The following SUGCT variants were observed in gnomAD, a reference collection of about 807,000 sequenced individuals.
SUGCT encodes the protein succinyl-CoA:glutarate CoA-transferase.
In SUGCT, 41 loss-of-function variants were observed where a neutral mutation model predicts 55.0. The observed-to-expected ratio is 0.74, with a 90% CI of 0.58 to 0.97. The LOEUF is 0.97. Ranked by LOEUF, SUGCT falls within the 50% of genes least tolerant of loss-of-function variation. The probability of loss-of-function intolerance (pLI) is 0.00; values close to 1 mark genes in which losing one functional copy is unlikely to be tolerated. For missense variants in SUGCT, 568 were observed against 547.8 expected (o/e 1.04, Z -0.37); for synonymous variants, 187 against 200.4 (o/e 0.93, Z 0.56).
chr7:40,880,228 G>A, the SUGCT span, among the ~76,000 whole-genome samples: 1 of 152,204 alleles, frequency 6.6e-6, no homozygotes, highest in African/African-American at 2.4e-5. Context: ...GGAAACTGAT[G>A]TGATTAGATT....
chr7:40,474,183 G>A (rs1203920361), intron 11 of SUGCT, among the ~76,000 whole-genome samples: 1 of 152,164 alleles, frequency 6.6e-6, no homozygotes, highest in African/African-American at 2.4e-5. Flanking sequence ...GTTAATAGAA[G>A]ATTTGAGAAG....
At chr7:40,945,719 G>A in the SUGCT span, among the ~76,000 whole-genome samples, 8,292 of 152,172 alleles carry the variant, frequency 0.054, 771 homozygotes, top group African/African-American at 0.19. Flanking sequence ...GTTCCCATGG[G>A]GTGCTCCCTT....
chr7:40,553,850 C>T (rs577324127), intron 12 of SUGCT, among the ~76,000 whole-genome samples: 1 of 152,152 alleles, frequency 6.6e-6, no homozygotes, highest in Non-Finnish European at 1.5e-5. Context: ...GTGGGGCAGC[C>T]CTGCCCTGGG....
At chr7:40,241,900 C>T (rs1789420665) in intron 7 of SUGCT, among the ~76,000 whole-genome samples, 1 of 127,096 alleles carries the variant, frequency 7.9e-6, no homozygotes, top group Admixed American at 9.1e-5. Context: ...AGCCTGGCGA[C>T]AGACCAAGAC....
the SUGCT span, among the ~76,000 whole-genome samples, chr7:40,977,975 G>T: frequency 1.1e-4 from 17 of 152,232 alleles, no homozygotes; most frequent in Middle Eastern, 3.4e-3. Context: ...TTGGGGCTGC[G>T]ATTCAATTTT....
intron 9 of SUGCT, among the ~76,000 whole-genome samples, chr7:40,382,844 C>T (rs1177348550): frequency 6.6e-6 from 1 of 152,104 alleles, no homozygotes; most frequent in Non-Finnish European, 1.5e-5. Context: ...TATCCATTAT[C>T]TTTGGAAAGT....
intron 11 of SUGCT, among the ~76,000 whole-genome samples, chr7:40,483,115 G>T (rs1472291966): frequency 6.6e-6 from 1 of 152,100 alleles, no homozygotes; most frequent in African/African-American, 2.4e-5. Context: ...TAGAAATGCC[G>T]ACCAACAAAT....
Position 40,308,526 on chromosome 7 carries a change from T to C in SUGCT, c.721-8234T>C, listed in dbSNP as rs544814645. 1.6e-4 allele frequency among the ~76,000 whole-genome samples: 25 copies of C among 152,262 alleles called. No homozygotes were observed. The South Asian group carries it at 4.4e-3, about 27-fold the overall frequency. On this transcript the variant is annotated intron_variant, in intron 8 of 13. Coordinates refer to ENST00000335693, the MANE Select transcript of SUGCT (RefSeq NM_001193313.2). ...CCTTCCTATGACACTTAGAATAATA[T>C]CTCAGATCCTTACCCAGGCCTGCAA...
At chr7:40,538,460 C>T (rs1794490205) in intron 12 of SUGCT, 1 of 152,174 alleles carries the variant, frequency 6.6e-6, no homozygotes, top group African/African-American at 2.4e-5. Context: ...AAAATATCTC[C>T]TCCCCTCCTT....
At chr7:40,494,004 C>T (rs1791838908) in intron 11 of SUGCT, among the ~76,000 whole-genome samples, 1 of 152,164 alleles carries the variant, frequency 6.6e-6, no homozygotes, top group South Asian at 2.1e-4. Flanking sequence ...AACTGCAGCT[C>T]CCGCAGTCTC....
At position 40,408,928 on chromosome 7, in the gene SUGCT, C is replaced by T. The variant is rs186743140; in HGVS notation, c.817-40359C>T. Among the ~76,000 whole-genome samples the T allele has an allele frequency of 5.3e-4, 80 of 151,982 alleles. No homozygotes were observed. The East Asian group carries it at 0.014, about 27-fold the overall frequency. ...CCTACATGGTTTTGGCCTTTATTTTCTGTTCTCTCTCTCTCTGCTTTTTGT... is the reference window on the plus strand; with the variant it reads ...CCTACATGGTTTTGGCCTTTATTTTTTGTTCTCTCTCTCTCTGCTTTTTGT... On this transcript the variant is annotated intron_variant, in intron 9 of 13. Coordinates refer to ENST00000335693, the MANE Select transcript of SUGCT (RefSeq NM_001193313.2).
At chr7:40,707,437 G>A (rs1346235014) in intron 12 of SUGCT, among the ~76,000 whole-genome samples, 2 of 152,080 alleles carry the variant, frequency 1.3e-5, no homozygotes, top group Non-Finnish European at 2.9e-5. Context: ...CAGGAAATTG[G>A]GCTGCAAGAG....
chr7:40,842,436 T>G (rs1249881270), intron 13 of SUGCT, among the ~76,000 whole-genome samples: 1 of 152,204 alleles, frequency 6.6e-6, no homozygotes, highest in African/African-American at 2.4e-5. Context: ...ATTACTGTCA[T>G]ACTAAAAGCT....
intron 12 of SUGCT, among the ~76,000 whole-genome samples, chr7:40,556,778 G>A (rs577909783): frequency 5.9e-5 from 9 of 152,298 alleles, no homozygotes; most frequent in Non-Finnish European, 8.8e-5. Context: ...TTTAAAGCAC[G>A]TGGAACAGTT....
chr7:40,237,551 A>G, intron 6 of SUGCT, 84 bp from the exon 7 acceptor site: 2 of 1,020,750 alleles, frequency 2.0e-6, no homozygotes, highest in Non-Finnish European at 3.1e-6. Flanking sequence ...ATTTCTGGAT[A>G]CAAATGTTTC....
At chr7:40,777,366 T>C (rs957213618) in intron 13 of SUGCT, among the ~76,000 whole-genome samples, 1 of 152,042 alleles carries the variant, frequency 6.6e-6, no homozygotes, top group African/African-American at 2.4e-5. Context: ...GGAGAGGCCA[T>C]GAGTTTCTAT....
the SUGCT span, among the ~76,000 whole-genome samples, chr7:40,927,108 A>T: frequency 6.6e-6 from 1 of 152,182 alleles, no homozygotes; most frequent in African/African-American, 2.4e-5. Flanking sequence ...TTATTTAAAA[A>T]CTTGTATATG....
the SUGCT span, among the ~76,000 whole-genome samples, chr7:40,950,378 G>A: frequency 4.6e-5 from 7 of 152,136 alleles, no homozygotes; most frequent in African/African-American, 1.7e-4. Context: ...GGGTTTTCTA[G>A]ATATACAACC....
chr7:40,562,126 C>T (rs1197687334), intron 12 of SUGCT, among the ~76,000 whole-genome samples: 1 of 151,396 alleles, frequency 6.6e-6, no homozygotes, highest in South Asian at 2.1e-4. Flanking sequence ...GGTGAAACCC[C>T]GTCTCTACTA....
Sources: allele counts gnomAD v4.1 joint callset (sites outside exome capture counted in the v4.1 genomes callset), GRCh38; gene constraint gnomAD v4.1.1; transcripts MANE v1.5; gene names NCBI Gene and HGNC (gene_info 2026-07-23, HGNC 2026-07-21).